The following WDFY1 variants were observed in gnomAD, a reference collection of about 807,000 sequenced individuals.
WDFY1 encodes WD repeat and FYVE domain-containing protein 1.
WDFY1 carries 32 observed loss-of-function variants against 56.4 expected under a neutral mutation model. The observed-to-expected ratio is 0.57, with a 90% CI of 0.43 to 0.76. WDFY1 has a LOEUF of 0.76. Ranked by LOEUF, WDFY1 falls within the 30% of genes least tolerant of loss-of-function variation. The probability of loss-of-function intolerance (pLI) is 0.00; values close to 1 mark genes in which losing one functional copy is unlikely to be tolerated. For synonymous variants in WDFY1, 192 were observed against 197.3 expected, an observed-to-expected ratio of 0.97 and a Z score of 0.23; for missense variants, 480 against 545.7, an observed-to-expected ratio of 0.88 and a Z score of 1.20.
intron 6 of WDFY1, among the ~76,000 whole-genome samples, chr2:223,897,747 T>C (rs1320222942): frequency 6.6e-6 from 1 of 151,956 alleles, no homozygotes; most frequent in Middle Eastern, 3.2e-3. Flanking sequence ...CTCATGGGGG[T>C]GGATTTCTCA....
chr2:223,884,894 G>A (rs1693146354), intron 8 of WDFY1, 145 bp from the exon 9 acceptor site: 1 of 662,978 alleles, frequency 1.5e-6, no homozygotes, highest in Non-Finnish European at 2.5e-6. Flanking sequence ...AGGCTGGAGT[G>A]CAGTATGTGT....
intron 3 of WDFY1, among the ~76,000 whole-genome samples, chr2:223,906,676 C>T (rs1270852586): frequency 6.6e-6 from 1 of 151,956 alleles, no homozygotes; most frequent in Non-Finnish European, 1.5e-5. Context: ...TGCACCACCA[C>T]ACCCAGCTAA....
At chr2:223,936,444 T>G (rs1694170226) in intron 1 of WDFY1, among the ~76,000 whole-genome samples, 1 of 152,102 alleles carries the variant, frequency 6.6e-6, no homozygotes, top group Non-Finnish European at 1.5e-5. Context: ...AAAGCCTAGT[T>G]AAAGATAGGA....
At chr2:223,923,986 T>C (rs1274657675) in intron 1 of WDFY1, among the ~76,000 whole-genome samples, 1 of 152,232 alleles carries the variant, frequency 6.6e-6, no homozygotes, top group East Asian at 1.9e-4. Context: ...ATTTTTCTAA[T>C]GGCTGGATTT....
intron 4 of WDFY1, among the ~76,000 whole-genome samples, chr2:223,905,283 G>T (rs927650598): frequency 6.6e-6 from 1 of 152,070 alleles, no homozygotes; most frequent in East Asian, 1.9e-4. Context: ...GTCTGACCCG[G>T]TTATTCCACT....
intron 2 of WDFY1, among the ~76,000 whole-genome samples, chr2:223,917,581 A>T (rs772368390): frequency 6.7e-6 from 1 of 149,988 alleles, no homozygotes; most frequent in Non-Finnish European, 1.5e-5. Context: ...AAACTTACTT[A>T]TTTTTTTTTT....
intron 1 of WDFY1, among the ~76,000 whole-genome samples, chr2:223,928,813 T>C (rs1475111882): frequency 1.3e-5 from 2 of 152,266 alleles, no homozygotes; most frequent in Non-Finnish European, 2.9e-5. Context: ...AATGAACTTG[T>C]GCCTTGGGTC....
intron 1 of WDFY1, 97 bp downstream of exon 1, chr2:223,945,051 G>A: frequency 7.3e-7 from 1 of 1,370,352 alleles, no homozygotes; most frequent in Non-Finnish European, 9.6e-7. Flanking sequence ...TGCCGGGGGA[G>A]CCCCCTCACG....
intron 9 of WDFY1, among the ~76,000 whole-genome samples, chr2:223,884,367 AAACTG>A (rs755779052): frequency 3.3e-5 from 5 of 152,172 alleles, no homozygotes; most frequent in South Asian, 2.1e-4. Context: ...TAATAGTCTT[AAACTG>A]AAAGATCTTT....
intron 1 of WDFY1, among the ~76,000 whole-genome samples, chr2:223,930,001 C>A (rs1477634435): frequency 1.3e-5 from 2 of 152,186 alleles, no homozygotes; most frequent in Non-Finnish European, 2.9e-5. Context: ...AATTCCTAAA[C>A]AATAAGGAAA....
rs971087476 is a variant in WDFY1, at chr2:223,880,177, T to C, written c.1120A>G (p.Met374Val). ...ACCATCAGTCCCCTGGCAATGTCCA[T>C]GGACATGTGGGAAATGTTATGTTTT... ...EGKHNISHMSMDIARGLMVTC... is the reference protein window; with the variant it reads ...EGKHNISHMSVDIARGLMVTC... The change falls in exon 11 of 12, where the codon ATG (methionine) becomes GTG (valine). Residue 374 changes from methionine (M) to valine (V), a missense_variant. Transcript: ENST00000233055. 1.2e-6 allele frequency: 2 copies of C among 1,614,124 alleles called. No individual in the cohort carries two copies. The highest frequency in any genetic ancestry group is 1.7e-4 in the Middle Eastern group (1 of 6,060).
intron 8 of WDFY1, among the ~76,000 whole-genome samples, chr2:223,892,739 T>C (rs73994413): frequency 0.01 from 1,583 of 152,292 alleles, 27 homozygotes; most frequent in African/African-American, 0.036. Flanking sequence ...ATAATGTCTA[T>C]TACAATGGTG....
intron 1 of WDFY1, among the ~76,000 whole-genome samples, chr2:223,936,068 TTTTTTTTTTTG>T (rs1421340326): frequency 3.5e-5 from 2 of 56,816 alleles, no homozygotes; most frequent in South Asian, 7.5e-4. Flanking sequence ...CTTTTTTTTT[TTTTTTTTTTTG>T]GGGACAGAGT....
Position 223,910,153 on chromosome 2 carries a change from GA to G in WDFY1, c.279+2099del, listed in dbSNP as rs373552997. 9.2e-5 allele frequency among the ~76,000 whole-genome samples: 14 copies of G among 151,660 alleles called. No homozygotes were observed. The East Asian group carries it at 1.4e-3, about 15-fold the overall frequency. On this transcript the variant is annotated intron_variant, in intron 3 of 11. Coordinates refer to ENST00000233055, the MANE Select transcript of WDFY1 (RefSeq NM_020830.5). ...AAGATGCCAAAAAACTTAAATGGGGGAAAAAAAATAGTCTTTTAAACAATTG... is the reference window on the plus strand; with the variant it reads ...AAGATGCCAAAAAACTTAAATGGGGGAAAAAAATAGTCTTTTAAACAATTG...
Position 223,909,764 on chromosome 2 carries a change from C to T in WDFY1, c.279+2489G>A, listed in dbSNP as rs542253609. 6.6e-5 allele frequency among the ~76,000 whole-genome samples: 10 copies of T among 152,274 alleles called. No individual in the cohort carries two copies. In the South Asian group the frequency reaches 1.4e-3, roughly 22 times the overall value. On this transcript the variant is annotated intron_variant, in intron 3 of 11. Transcript: ENST00000233055. ...TCCAAGACTTATCTCAACTCAAGTC[C>T]ATCCATTTGTCCTTCTTCATGGCCA...
chr2:223,888,516 GT>G (rs1199713831), intron 8 of WDFY1, among the ~76,000 whole-genome samples: 9 of 151,122 alleles, frequency 6.0e-5, no homozygotes, highest in African/African-American at 2.2e-4. Context: ...ATATTTTAAT[GT>G]TTTCAAGTGA....
chr2:223,903,781 G>T (rs901537465), intron 4 of WDFY1, among the ~76,000 whole-genome samples: 2 of 151,784 alleles, frequency 1.3e-5, no homozygotes, highest in African/African-American at 2.4e-5. Flanking sequence ...CTCCCAAGTA[G>T]TTGGGACTAC....
At chr2:223,904,554 C>T (rs1693566182) in intron 4 of WDFY1, among the ~76,000 whole-genome samples, 1 of 151,974 alleles carries the variant, frequency 6.6e-6, no homozygotes, top group Non-Finnish European at 1.5e-5. Context: ...TGCCTGGATG[C>T]TTTTCTCCTA....
chr2:223,881,518 G>A (rs780418599), intron 10 of WDFY1, among the ~76,000 whole-genome samples: 4 of 152,166 alleles, frequency 2.6e-5, no homozygotes, highest in Non-Finnish European at 4.4e-5. Context: ...GGCCAGGCAC[G>A]GTGGCTCGCG....
Sources: allele counts gnomAD v4.1 joint callset (sites outside exome capture counted in the v4.1 genomes callset), GRCh38; gene constraint gnomAD v4.1.1; transcripts MANE v1.5; gene names NCBI Gene and HGNC (gene_info 2026-07-23, HGNC 2026-07-21).